Variants in PTPRA observed in about 807,000 individuals in gnomAD.
PTPRA encodes the protein receptor-type tyrosine-protein phosphatase alpha.
A neutral mutation model predicts 104.8 loss-of-function variants in PTPRA; 25 were observed. That is an observed-to-expected ratio of 0.24 (90% CI 0.17 to 0.33). The LOEUF is 0.33. PTPRA is among the 10% of genes least tolerant of loss of function. PTPRA has a pLI of 1.00. For missense variants in PTPRA, 765 were observed against 1,015.3 expected (o/e 0.75, Z 3.35); for synonymous variants, 323 against 368.9 (o/e 0.88, Z 1.43).
At chr20:2,953,109 G>T (rs1052039157) in intron 3 of PTPRA, among the ~76,000 whole-genome samples, 1 of 152,090 alleles carries the variant, frequency 6.6e-6, no homozygotes, top group African/African-American at 2.4e-5. Context: ...ACTGTATTTA[G>T]TTTTTTGAGG....
At chr20:2,974,292 C>G (rs192080391) in intron 5 of PTPRA, among the ~76,000 whole-genome samples, 156 of 152,128 alleles carry the variant, frequency 1.0e-3, no homozygotes, top group African/African-American at 1.2e-3. Flanking sequence ...ACTCTGCCCC[C>G]CTTCTGGAGT....
At chr20:2,896,409 C>T (rs962066554) in intron 1 of PTPRA, among the ~76,000 whole-genome samples, 1 of 152,078 alleles carries the variant, frequency 6.6e-6, no homozygotes, top group African/African-American at 2.4e-5. Context: ...AACGAAAACA[C>T]ACACACGCAA....
At chr20:2,888,492 A>G (rs759920126) in intron 1 of PTPRA, among the ~76,000 whole-genome samples, 4 of 151,964 alleles carry the variant, frequency 2.6e-5, no homozygotes, top group African/African-American at 4.8e-5. Flanking sequence ...CCAGGAGATC[A>G]AGGCTGCAGT....
chr20:2,904,864 C>G (rs1223621981), intron 1 of PTPRA, among the ~76,000 whole-genome samples: 1 of 151,968 alleles, frequency 6.6e-6, no homozygotes, highest in African/African-American at 2.4e-5. Context: ...TAAGAATGAT[C>G]CTGTAACAGT....
rs187711821 is a variant in PTPRA at position 3,004,294 on chromosome 20, A to C, written c.739-762A>C. Among the ~76,000 whole-genome samples, 972 of 152,360 alleles carry C rather than the reference A, an allele frequency of 6.4e-3. 10 individuals are homozygous for C. Among genetic ancestry groups the C allele is most frequent in the African/African-American group, 0.022 (899 of 41,584 alleles). On this transcript the variant is annotated intron_variant, in intron 9 of 23. Coordinates refer to ENST00000399903, the MANE Select transcript of PTPRA (RefSeq NM_001385305.1). ...CAGCCTCCCAAAGTGCTGGGATTAC[A>C]GGCGTGAGCCACTTCACCCGGCCCC...
intron 5 of PTPRA, among the ~76,000 whole-genome samples, chr20:2,973,531 G>A (rs562488619): frequency 1.4e-4 from 22 of 152,134 alleles, no homozygotes; most frequent in African/African-American, 4.3e-4. Context: ...CAGGGCCTTC[G>A]TCTCAGTAGG....
chr20:2,921,696 G>A lies in PTPRA; in HGVS notation c.-128-1511G>A, dbSNP rs376249436. Among the ~76,000 whole-genome samples, 14 of 152,208 alleles carry A rather than the reference G, an allele frequency of 9.2e-5. No individual in the cohort carries two copies. In the East Asian group the frequency reaches 1.7e-3, roughly 19 times the overall value. On this transcript the variant is annotated intron_variant, in intron 1 of 23. Coordinates refer to ENST00000399903, the MANE Select transcript of PTPRA (RefSeq NM_001385305.1). ...AGCAGACACAGATGGGGTTGGAGGGGCAAAGGGCTTATTAGAGGAGTAATG... is the reference window on the plus strand; with the variant it reads ...AGCAGACACAGATGGGGTTGGAGGGACAAAGGGCTTATTAGAGGAGTAATG...
chr20:2,904,682 A>C (rs1032916025), intron 1 of PTPRA, among the ~76,000 whole-genome samples: 4 of 151,842 alleles, frequency 2.6e-5, no homozygotes, highest in African/African-American at 4.8e-5. Flanking sequence ...AAAAAAAAAA[A>C]AAAGAATAGG....
chr20:3,015,770 G>A, intron 11 of PTPRA, 79 bp from the exon 12 acceptor site: 1 of 1,245,066 alleles, frequency 8.0e-7, no homozygotes, highest in Non-Finnish European at 1.2e-6. Flanking sequence ...TTGTTAACTG[G>A]TTGGAGTCAG....
chr20:2,935,237 TG>T (rs2147565683), intron 2 of PTPRA, among the ~76,000 whole-genome samples: 1 of 152,324 alleles, frequency 6.6e-6, no homozygotes, highest in East Asian at 1.9e-4. Flanking sequence ...AGTGAGATCA[TG>T]TGATATTTGT....
the PTPRA span, chr20:2,866,440 C>T: frequency 2.2e-5 from 36 of 1,614,064 alleles, no homozygotes; most frequent in Non-Finnish European, 3.0e-5. Context: ...CGATGTGGCT[C>T]AGGCTGCAGA....
intron 2 of PTPRA, among the ~76,000 whole-genome samples, chr20:2,928,578 T>C (rs192903080): frequency 1.3e-5 from 2 of 152,272 alleles, no homozygotes; most frequent in Non-Finnish European, 2.9e-5. Context: ...TTAATTTTTC[T>C]TCTTTTCTGG....
chr20:2,977,332 A>G (rs1396909508), intron 6 of PTPRA, among the ~76,000 whole-genome samples: 1 of 151,386 alleles, frequency 6.6e-6, no homozygotes, highest in Non-Finnish European at 1.5e-5. Flanking sequence ...ATTTGTAAAG[A>G]AGTAGTCCTT....
intron 18 of PTPRA, 23 bp downstream of exon 18, chr20:3,026,803 A>G (rs928388862): frequency 1.9e-6 from 3 of 1,559,104 alleles, no homozygotes. Context: ...CCGCCACTCC[A>G]AAGCCTTATT....
chr20:2,928,368 A>C (rs2060384860), intron 2 of PTPRA, among the ~76,000 whole-genome samples: 1 of 152,112 alleles, frequency 6.6e-6, no homozygotes, highest in South Asian at 2.1e-4. Context: ...TTGGCCTCCC[A>C]AAGTGCTGGG....
chr20:3,020,173 A>T (rs1045603073), intron 13 of PTPRA, among the ~76,000 whole-genome samples: 1 of 152,018 alleles, frequency 6.6e-6, no homozygotes. Context: ...CAGTGGTGCC[A>T]TCTCGGCTCA....
chr20:2,988,575 A>G (rs1383144515), intron 9 of PTPRA, 101 bp downstream of exon 9: 2 of 1,472,130 alleles, frequency 1.4e-6, no homozygotes, highest in Non-Finnish European at 1.8e-6. Flanking sequence ...ATGGGCTTTT[A>G]ATGTTTAAGA....
intron 3 of PTPRA, among the ~76,000 whole-genome samples, chr20:2,962,069 C>T (rs1404296919): frequency 6.6e-6 from 1 of 152,198 alleles, no homozygotes; most frequent in Middle Eastern, 3.2e-3. Flanking sequence ...GTTGCCCCTT[C>T]AGAATCTTAA....
Position 2,950,785 on chromosome 20 carries a change from T to C in PTPRA, c.-7+2761T>C, listed in dbSNP as rs1332275703. On this transcript the variant is annotated intron_variant, in intron 3 of 23. Coordinates refer to ENST00000399903, the MANE Select transcript of PTPRA (RefSeq NM_001385305.1). This position sits in a 1 kb window ranked among gnomAD's most constrained non-coding sequence, Gnocchi z 4.0. The stretch of plus-strand genomic sequence containing the variant: ...TATTTCTTTTCATTGATTATTCCTA[T>C]AATTCTTAAACAACTTTATAATTGA... Among the ~76,000 whole-genome samples the C allele has an allele frequency of 6.6e-6, 1 of 152,206 alleles. No homozygotes were observed. The highest frequency in any genetic ancestry group is 1.5e-5 in the Non-Finnish European group (1 of 68,026).
Sources: allele counts gnomAD v4.1 joint callset (sites outside exome capture counted in the v4.1 genomes callset), GRCh38; gene constraint gnomAD v4.1.1; non-coding constraint Gnocchi (gnomAD v3.1); transcripts MANE v1.5; gene names NCBI Gene and HGNC (gene_info 2026-07-23, HGNC 2026-07-21).